The following GRIP1 variants were observed in gnomAD, a reference collection of about 807,000 sequenced individuals.
The protein encoded by GRIP1 is glutamate receptor-interacting protein 1.
GRIP1 carries 45 observed loss-of-function variants against 129.9 expected under a neutral mutation model. That is an observed-to-expected ratio of 0.35 (90% CI 0.27 to 0.44). The LOEUF (loss-of-function observed/expected upper bound fraction) is 0.44. Ranked by LOEUF, GRIP1 falls within the 20% of genes least tolerant of loss-of-function variation. The pLI, the probability that GRIP1 is intolerant of heterozygous loss-of-function variation, is 1.00. For missense variants in GRIP1, 1,196 were observed against 1,396.8 expected (o/e 0.86, Z 2.29); for synonymous variants, 530 against 520.8 (o/e 1.02, Z -0.24).
chr12:66,604,100 T>C (rs950163959), intron 1 of GRIP1, among the ~76,000 whole-genome samples: 3 of 152,170 alleles, frequency 2.0e-5, no homozygotes, highest in Non-Finnish European at 4.4e-5. Context: ...TCTGCACAGT[T>C]CTCCTGCAAC....
At chr12:66,730,336 C>T (rs911706590) in intron 1 of GRIP1, among the ~76,000 whole-genome samples, 1 of 152,078 alleles carries the variant, frequency 6.6e-6, no homozygotes, top group Non-Finnish European at 1.5e-5. Context: ...TAGAATCCTG[C>T]AAATTGTTTC....
intron 1 of GRIP1, among the ~76,000 whole-genome samples, chr12:66,907,980 T>A (rs904016771): frequency 1.3e-5 from 2 of 152,134 alleles, no homozygotes; most frequent in Non-Finnish European, 2.9e-5. Flanking sequence ...TTAGCAAAAT[T>A]GGGTTACCCA....
intron 1 of GRIP1, among the ~76,000 whole-genome samples, chr12:66,759,948 G>A (rs563573184): frequency 1.5e-4 from 23 of 151,836 alleles, no homozygotes; most frequent in African/African-American, 4.4e-4. Context: ...TCCGCCTTCC[G>A]GGTTCACGCC....
chr12:66,663,762 C>T (rs1400350350), intron 1 of GRIP1, among the ~76,000 whole-genome samples: 1 of 152,192 alleles, frequency 6.6e-6, no homozygotes, highest in Admixed American at 6.5e-5. Flanking sequence ...ACTTTGTAAA[C>T]AATACCAGAG....
At chr12:66,500,853 G>T (rs1263189233) in intron 7 of GRIP1, among the ~76,000 whole-genome samples, 2 of 152,210 alleles carry the variant, frequency 1.3e-5, no homozygotes, top group Non-Finnish European at 2.9e-5. Flanking sequence ...GTTACAGAAA[G>T]AAGACATTGT....
At chr12:66,887,858 A>T (rs1311998199) in intron 1 of GRIP1, among the ~76,000 whole-genome samples, 2 of 152,168 alleles carry the variant, frequency 1.3e-5, no homozygotes, top group Non-Finnish European at 2.9e-5. Context: ...AGAGAAAAAA[A>T]TGCTACTGTA....
intron 1 of GRIP1, among the ~76,000 whole-genome samples, chr12:66,813,912 G>A (rs1436834729): frequency 6.6e-6 from 1 of 152,068 alleles, no homozygotes; most frequent in Non-Finnish European, 1.5e-5. Flanking sequence ...GGTTGTTTAT[G>A]GAAAATGGGC....
At chr12:66,444,224 C>A (rs899950117) in intron 13 of GRIP1, among the ~76,000 whole-genome samples, 1 of 152,072 alleles carries the variant, frequency 6.6e-6, no homozygotes. Flanking sequence ...CGGTGGCTCA[C>A]GCCTGTAATC....
intron 24 of GRIP1, among the ~76,000 whole-genome samples, chr12:66,351,947 G>A (rs969841720): frequency 2.0e-5 from 3 of 152,176 alleles, no homozygotes; most frequent in Admixed American, 6.5e-5. Context: ...GTTGAGAATC[G>A]CTGATCTATG....
At chr12:66,466,440 A>T (rs2059288306) in intron 7 of GRIP1, among the ~76,000 whole-genome samples, 1 of 152,246 alleles carries the variant, frequency 6.6e-6, no homozygotes, top group East Asian at 1.9e-4. Flanking sequence ...GATGTTGCTT[A>T]AAGCTCATTA....
chr12:66,455,742 C>T (rs1348415938), intron 10 of GRIP1, among the ~76,000 whole-genome samples, 178 bp from the exon 11 acceptor site: 1 of 152,200 alleles, frequency 6.6e-6, no homozygotes, highest in East Asian at 1.9e-4. Flanking sequence ...CAAGAGCCTA[C>T]AAATGCTGAG....
At position 66,956,851 on chromosome 12, in the gene GRIP1, GACATA is replaced by G. The variant is rs138320156; in HGVS notation, c.58+112194_58+112198del. ...TGCAATATGTGCATATATATTAGCT[GACATA>G]ACATATCTATATTTATTTCTGTTAT... On this transcript the variant is annotated intron_variant, in intron 1 of 1. Coordinates refer to the GRIP1 transcript ENST00000643019. Among the ~76,000 whole-genome samples the G allele has an allele frequency of 3.8e-3, 582 of 152,214 alleles. 5 individuals carry two copies. Among genetic ancestry groups the G allele is most frequent in the African/African-American group, 0.013 (559 of 41,534 alleles).
chr12:66,907,193 A>G (rs2040948458), intron 1 of GRIP1, among the ~76,000 whole-genome samples: 1 of 152,188 alleles, frequency 6.6e-6, no homozygotes, highest in Admixed American at 6.5e-5. Flanking sequence ...GGAATGTGTA[A>G]GTTCTATGAG....
intron 1 of GRIP1, among the ~76,000 whole-genome samples, chr12:66,749,263 C>T (rs1158695284): frequency 1.3e-5 from 2 of 152,178 alleles, no homozygotes; most frequent in Non-Finnish European, 1.5e-5. Flanking sequence ...ACCAACTGGG[C>T]ATAAAGGAAA....
At position 66,474,898 on chromosome 12, in the gene GRIP1, T is replaced by C. The variant is rs139414905; in HGVS notation, c.725-9476A>G. 2.4e-3 allele frequency among the ~76,000 whole-genome samples: 371 copies of C among 152,258 alleles called. 4 individuals carry two copies. The East Asian group carries it at 0.037, about 15-fold the overall frequency. On this transcript the variant is annotated intron_variant, in intron 7 of 24. Transcript: ENST00000359742. Reference sequence around the variant, plus strand: ...CATGCCAAATTGTAAAGACTATCGATGCTAGGAAGAAATTGCATCAACTAA... The same window carrying C: ...CATGCCAAATTGTAAAGACTATCGACGCTAGGAAGAAATTGCATCAACTAA...
At chr12:66,905,384 AT>A (rs34163429) in intron 1 of GRIP1, among the ~76,000 whole-genome samples, 39,488 of 152,112 alleles carry the variant, frequency 0.26, 5,539 homozygotes, top group East Asian at 0.45. Context: ...GATAGATGCC[AT>A]TGGAATTACA....
At chr12:66,603,739 C>A (rs1270501380) in intron 1 of GRIP1, among the ~76,000 whole-genome samples, 4 of 152,182 alleles carry the variant, frequency 2.6e-5, no homozygotes, top group African/African-American at 9.7e-5. Context: ...ATGGTTTCTT[C>A]AAATGGAAAG....
Position 66,655,703 on chromosome 12 carries a change from G to A in GRIP1, c.55+23147C>T, listed in dbSNP as rs552713846. Among the ~76,000 whole-genome samples, 5 of 148,882 alleles carry A rather than the reference G, an allele frequency of 3.4e-5. 1 individual carries two copies. In the South Asian group the frequency reaches 8.5e-4, roughly 25 times the overall value. ...TGGCTCACTGCAAGCTCCGCCTCCCGGGTTCACGCCATTCTCCTGCCTCAG... is the reference window on the plus strand; with the variant it reads ...TGGCTCACTGCAAGCTCCGCCTCCCAGGTTCACGCCATTCTCCTGCCTCAG... On this transcript the variant is annotated intron_variant, in intron 1 of 24. Coordinates refer to ENST00000359742, the MANE Select transcript of GRIP1 (RefSeq NM_001366722.1).
intron 19 of GRIP1, among the ~76,000 whole-genome samples, chr12:66,388,859 A>T (rs1392390427): frequency 6.6e-6 from 1 of 152,206 alleles, no homozygotes; most frequent in Non-Finnish European, 1.5e-5. Context: ...AGCAGAGACC[A>T]TGTCTCCTTT....
Sources: gnomAD v4.1 joint callset for allele counts (sites outside exome capture counted in the v4.1 genomes callset) on GRCh38, gnomAD v4.1.1 for gene constraint, MANE v1.5 for transcripts, NCBI Gene and HGNC (gene_info 2026-07-23, HGNC 2026-07-21) for gene names.